Variants in COL27A1 observed in about 807,000 individuals in gnomAD.
COL27A1 encodes collagen type XXVII alpha 1 chain, also known as collagen alpha-1(XXVII) chain.
In COL27A1, 106 loss-of-function variants were observed where a neutral mutation model predicts 251.3. The ratio of observed to expected loss-of-function variants is 0.42; its 90% CI spans 0.36 to 0.50. COL27A1 has a LOEUF of 0.50. COL27A1 is among the 20% of genes least tolerant of loss of function. COL27A1 has a pLI of 0.00. For synonymous variants in COL27A1, 1,000 were observed against 986.3 expected, an observed-to-expected ratio of 1.01 and a Z score of -0.26; for missense variants, 2,325 against 2,522.8, an observed-to-expected ratio of 0.92 and a Z score of 1.68.
In COL27A1 at chr9:114,301,116, G is replaced by A. The variant is rs73656040; in HGVS notation, c.4746G>A (p.Ser1582=). ...IVGPLGILGP[S]GLPGPKGDKG... ...GGCCCCTCGGAATCCTGGGACCTTCGGGACTCCCGGTATGTGTGGGGATTG... is the reference window on the plus strand; with the variant it reads ...GGCCCCTCGGAATCCTGGGACCTTCAGGACTCCCGGTATGTGTGGGGATTG... Residue 1582 remains serine, a synonymous_variant, in exon 52 of 61, where the codon TCG becomes TCA. Coordinates refer to ENST00000356083, the MANE Select transcript of COL27A1 (RefSeq NM_032888.4). 0.066 allele frequency: 106,135 copies of A among 1,613,166 alleles called. 3,835 individuals are homozygous for A. Among genetic ancestry groups the A allele is most frequent in the Non-Finnish European group, 0.075 (88,555 of 1,179,430 alleles).
At position 114,237,088 on chromosome 9, in the gene COL27A1, G is replaced by A. The variant is rs1326590842; in HGVS notation, c.2673+54G>A. 2.0e-6 allele frequency: 3 copies of A among 1,503,072 alleles called. No homozygotes were observed. The African/African-American group carries it at 4.2e-5, about 21-fold the overall frequency. 93.1% of individuals were successfully genotyped at this position (1,503,072 alleles called of 1,614,324 possible). ...AACCTCACACTCTCCAACTGATCGT[G>A]TAATGTGGCTGGGGACACCTTCACC... On this transcript the variant is annotated intron_variant, in intron 18 of 60. Coordinates refer to ENST00000356083, the MANE Select transcript of COL27A1 (RefSeq NM_032888.4).
At chr9:114,293,403 A>G (rs190008009) in intron 49 of COL27A1, among the ~76,000 whole-genome samples, 61 of 152,326 alleles carry the variant, frequency 4.0e-4, no homozygotes, top group Admixed American at 3.0e-3. Flanking sequence ...AGATCTTTAT[A>G]GTAATAACTT....
intron 7 of COL27A1, among the ~76,000 whole-genome samples, chr9:114,203,777 A>G (rs1829736711): frequency 6.6e-6 from 1 of 152,070 alleles, no homozygotes; most frequent in Non-Finnish European, 1.5e-5. Context: ...GTGTCTGTGT[A>G]AGTGCATGGA....
At chr9:114,228,353 G>A (rs569160487) in intron 14 of COL27A1, among the ~76,000 whole-genome samples, 2 of 152,372 alleles carry the variant, frequency 1.3e-5, no homozygotes, top group East Asian at 3.9e-4. Context: ...CTCCAGCAGA[G>A]CCCGCCTCTG....
chr9:114,195,366 C>A (rs1829045524), intron 6 of COL27A1, among the ~76,000 whole-genome samples: 1 of 70,232 alleles, frequency 1.4e-5, no homozygotes. Flanking sequence ...TACCACTTGA[C>A]CCCCATCATA....
intron 29 of COL27A1, 64 bp downstream of exon 29, chr9:114,264,472 G>C (rs1834592001): frequency 7.8e-7 from 1 of 1,289,626 alleles, no homozygotes; most frequent in East Asian, 2.6e-5. Context: ...TCGTGAACAA[G>C]GCTCACAGCT....
At chr9:114,228,848 G>T (rs560872486) in intron 14 of COL27A1, among the ~76,000 whole-genome samples, 2 of 151,980 alleles carry the variant, frequency 1.3e-5, no homozygotes, top group Admixed American at 6.5e-5. Context: ...CAAAGATAGG[G>T]TCTCTTTCTG....
At chr9:114,169,694 G>A (rs1849175354) in intron 3 of COL27A1, among the ~76,000 whole-genome samples, 1 of 152,216 alleles carries the variant, frequency 6.6e-6, no homozygotes, top group African/African-American at 2.4e-5. Context: ...CAAGTCTGGT[G>A]GCTACCCCCA....
chr9:114,284,660 A>T (rs1827331971), intron 40 of COL27A1, 64 bp from the exon 41 acceptor site: 12 of 1,544,230 alleles, frequency 7.8e-6, no homozygotes, highest in Non-Finnish European at 1.1e-5. Context: ...CCCATCTTGG[A>T]GTCCATGTCC....
At chr9:114,300,197 C>T in intron 50 of COL27A1, 74 bp downstream of exon 50, 2 of 1,455,404 alleles carry the variant, frequency 1.4e-6, no homozygotes, top group Non-Finnish European at 1.9e-6. Context: ...ATTCATTCAA[C>T]AAATATTTAT....
chr9:114,298,460 A>C (rs1398780165), intron 49 of COL27A1, among the ~76,000 whole-genome samples: 2 of 152,252 alleles, frequency 1.3e-5, no homozygotes, highest in African/African-American at 4.8e-5. Flanking sequence ...ACTTATTACA[A>C]AAGTATAGTA....
intron 37 of COL27A1, among the ~76,000 whole-genome samples, chr9:114,279,041 C>T (rs561399078): frequency 3.9e-5 from 6 of 152,272 alleles, no homozygotes; most frequent in East Asian, 1.9e-4. Flanking sequence ...CGCAGCCTCC[C>T]GTCTCCCTGC....
intron 10 of COL27A1, among the ~76,000 whole-genome samples, chr9:114,208,934 G>A (rs1830163048): frequency 6.6e-6 from 1 of 152,014 alleles, no homozygotes; most frequent in Non-Finnish European, 1.5e-5. Context: ...TGGGAGGGAG[G>A]AAATGAGATG....
At position 114,243,924 on chromosome 9, in the gene COL27A1, C is replaced by CTTTTT. The variant is rs1564515708; in HGVS notation, c.2934+364_2934+365insTTTTT. 8.7e-5 allele frequency among the ~76,000 whole-genome samples: 12 copies of CTTTTT among 138,080 alleles called. 2 individuals carry two copies. The highest frequency in any genetic ancestry group is 2.2e-4 in the African/African-American group (8 of 35,936). 90.6% of individuals were successfully genotyped at this position (138,080 alleles called of 152,430 possible). ...TTGCACCGTTTCTGTTTTTTTCTTT[C>CTTTTT]ATTTTTTTTTTTTTTTTTTTGAGAT... On this transcript the variant is annotated intron_variant, in intron 23 of 60. Transcript: ENST00000356083.
At chr9:114,293,460 C>T (rs920087901) in intron 49 of COL27A1, among the ~76,000 whole-genome samples, 65 of 150,550 alleles carry the variant, frequency 4.3e-4, no homozygotes, top group Non-Finnish European at 2.5e-4. Flanking sequence ...TCTCGGATTC[C>T]GTCTTAAGAA....
chr9:114,256,449 C>T (rs1457557929), intron 27 of COL27A1, among the ~76,000 whole-genome samples: 3 of 152,274 alleles, frequency 2.0e-5, no homozygotes, highest in South Asian at 2.1e-4. Context: ...GCCAAGATAG[C>T]GCCACTGCAC....
chr9:114,179,832 CTTTTTTTT>C (rs139712391), intron 4 of COL27A1, among the ~76,000 whole-genome samples: 3 of 100,188 alleles, frequency 3.0e-5, no homozygotes, highest in Non-Finnish European at 5.9e-5. Context: ...AGCCTACCAT[CTTTTTTTT>C]TTTTTTTTTT....
intron 41 of COL27A1, among the ~76,000 whole-genome samples, chr9:114,286,237 G>T (rs926973442): frequency 6.6e-6 from 1 of 152,138 alleles, no homozygotes; most frequent in African/African-American, 2.4e-5. Flanking sequence ...TTCCTGGGGT[G>T]ACCCATTGAG....
At chr9:114,265,019 C>T (rs1291263993) in intron 30 of COL27A1, 47 bp from the exon 31 acceptor site, 5 of 1,612,726 alleles carry the variant, frequency 3.1e-6, no homozygotes, top group East Asian at 4.5e-5. Context: ...CTCCCTGCTC[C>T]GTGCTTTGTG....
Sources: gnomAD v4.1 joint callset for allele counts (sites outside exome capture counted in the v4.1 genomes callset) on GRCh38, gnomAD v4.1.1 for gene constraint, MANE v1.5 for transcripts, NCBI Gene and HGNC (gene_info 2026-07-23, HGNC 2026-07-21) for gene names.